ANK3: variants seen among roughly 807,000 people sequenced by gnomAD.
ANK3 encodes the protein ankyrin-3.
In ANK3, 57 loss-of-function variants were observed where a neutral mutation model predicts 370.9. The observed-to-expected ratio is 0.15, with a 90% CI of 0.12 to 0.19. The LOEUF (loss-of-function observed/expected upper bound fraction) is 0.19. ANK3 is among the 10% of genes least tolerant of loss of function. The pLI, the probability that ANK3 is intolerant of heterozygous loss-of-function variation, is 1.00. For missense variants in ANK3, 4,439 were observed against 5,302.1 expected, an observed-to-expected ratio of 0.84 and a Z score of 5.06; for synonymous variants, 1,929 against 1,946.3, an observed-to-expected ratio of 0.99 and a Z score of 0.23.
intron 30 of ANK3, among the ~76,000 whole-genome samples, chr10:60,086,248 T>C (rs113980235): frequency 5.3e-5 from 8 of 152,306 alleles, no homozygotes; most frequent in African/African-American, 1.7e-4. Context: ...AATTTCCTAT[T>C]ACTAGTGCTC....
intron 25 of ANK3, among the ~76,000 whole-genome samples, chr10:60,125,426 T>C (rs1015724175): frequency 2.0e-5 from 3 of 152,194 alleles, no homozygotes; most frequent in African/African-American, 7.2e-5. Flanking sequence ...ACAAAAAATC[T>C]GTAATCTTGC....
Position 60,270,257 on chromosome 10 carries a change from C to T in ANK3, c.415-28G>A, listed in dbSNP as rs1246598701. On this transcript the variant is annotated intron_variant, in intron 4 of 43. Transcript: ENST00000280772. ...GCAAAATAAGAAAAAAAATGTTTGTCTGCAGCTTTCCAGAGACAATCTATT... is the reference window on the plus strand; with the variant it reads ...GCAAAATAAGAAAAAAAATGTTTGTTTGCAGCTTTCCAGAGACAATCTATT... 6 of 1,504,410 alleles carry T rather than the reference C, an allele frequency of 4.0e-6. No individual in the cohort carries two copies. The Admixed American group carries it at 9.4e-5, about 24-fold the overall frequency. 93.2% of individuals were successfully genotyped at this position (1,504,410 alleles called of 1,614,324 possible).
At chr10:60,508,537 T>A (rs2075998073) in intron 2 of ANK3, 1 of 152,644 alleles carries the variant, frequency 6.6e-6, no homozygotes, top group Non-Finnish European at 1.5e-5. Flanking sequence ...ATTTTTGAAC[T>A]GCCTTGAGTT....
At chr10:60,086,521 A>G in intron 30 of ANK3, 156 bp downstream of exon 30, 1 of 593,566 alleles carries the variant, frequency 1.7e-6, no homozygotes, top group Non-Finnish European at 2.7e-6. Context: ...GGGAAACCAG[A>G]GATGAGGTGA....
At chr10:60,595,089 A>C (rs573338098) in intron 2 of ANK3, among the ~76,000 whole-genome samples, 1 of 152,306 alleles carries the variant, frequency 6.6e-6, no homozygotes, top group East Asian at 1.9e-4. Context: ...GTCAACTCAA[A>C]CAAGTCCCTG....
intron 1 of ANK3, among the ~76,000 whole-genome samples, chr10:60,617,308 G>T (rs1031548596): frequency 6.7e-6 from 1 of 148,336 alleles, no homozygotes; most frequent in African/African-American, 2.4e-5. Flanking sequence ...TTTACCCTTG[G>T]CTTTTTTTTT....
rs571615455 is a variant in ANK3 at position 60,138,632 on chromosome 10, T to C, written c.2738+332A>G. 8 of 445,178 alleles carry C rather than the reference T, an allele frequency of 1.8e-5. No individual in the cohort carries two copies. In the South Asian group the frequency reaches 4.5e-4, roughly 25 times the overall value. The allele number at this position is 445,178 out of a possible 1,614,324, so 27.6% of individuals were successfully genotyped here. A position where few individuals can be genotyped will look rare whatever the true frequency, so the allele number is the denominator to read the frequency against. On this transcript the variant is annotated intron_variant, in intron 24 of 43. Transcript: ENST00000280772. ...TAGCAAATAATACTTTCTTTCAATATGGAACAAAACTTAATTTTGAAATAT... is the reference window on the plus strand; with the variant it reads ...TAGCAAATAATACTTTCTTTCAATACGGAACAAAACTTAATTTTGAAATAT...
At chr10:60,246,255 C>CAAAAAAAAAAAAAAAAAA (rs869144298) in intron 7 of ANK3, among the ~76,000 whole-genome samples, 41 of 92,632 alleles carry the variant, frequency 4.4e-4, no homozygotes, top group African/African-American at 9.9e-4. Flanking sequence ...AACCCTGTAT[C>CAAAAAAAAAAAAAAAAAA]AAAAAAAAAA....
At chr10:60,591,982 T>C (rs930282350) in intron 2 of ANK3, among the ~76,000 whole-genome samples, 7 of 151,972 alleles carry the variant, frequency 4.6e-5, no homozygotes, top group African/African-American at 1.7e-4. Flanking sequence ...TACGAAAAAA[T>C]AGAAAGAATA....
At chr10:60,273,714 A>G (rs2098038240) in intron 4 of ANK3, among the ~76,000 whole-genome samples, 1 of 152,164 alleles carries the variant, frequency 6.6e-6, no homozygotes, top group Non-Finnish European at 1.5e-5. Context: ...GGGCGGGGCC[A>G]GGTGGAGATA....
intron 1 of ANK3, among the ~76,000 whole-genome samples, chr10:60,348,927 A>T (rs1038725145): frequency 1.9e-4 from 29 of 152,208 alleles, no homozygotes; most frequent in Admixed American, 1.2e-3. Flanking sequence ...CTATAACATC[A>T]AAAGACAGAA....
intron 8 of ANK3, among the ~76,000 whole-genome samples, chr10:60,225,647 C>T (rs1056804480): frequency 3.9e-5 from 6 of 152,232 alleles, no homozygotes; most frequent in Non-Finnish European, 5.9e-5. Context: ...CATTAATTAG[C>T]TTCCTTGTTC....
At chr10:60,320,605 A>T (rs1310953216) in intron 1 of ANK3, among the ~76,000 whole-genome samples, 1 of 152,038 alleles carries the variant, frequency 6.6e-6, no homozygotes. Context: ...TCTCAAAAAC[A>T]AACAAACAAA....
chr10:60,130,688 T>G (rs920447571), intron 25 of ANK3, among the ~76,000 whole-genome samples: 1 of 152,228 alleles, frequency 6.6e-6, no homozygotes, highest in East Asian at 1.9e-4. Context: ...CTGAAGTAAA[T>G]GCTTCCCATG....
intron 23 of ANK3, chr10:60,140,984 G>A: frequency 2.0e-6 from 2 of 985,506 alleles, no homozygotes; most frequent in Non-Finnish European, 2.4e-6. Context: ...GTGGCATGGA[G>A]CTCCAGGCAA....
At chr10:60,138,929 T>C in intron 24 of ANK3, 35 bp downstream of exon 24, 6 of 1,605,738 alleles carry the variant, frequency 3.7e-6, no homozygotes, top group Non-Finnish European at 5.1e-6. Flanking sequence ...ATGGTTGTTT[T>C]AAATTAACTA....
chr10:60,419,583 A>G (rs2063737321), intron 2 of ANK3, among the ~76,000 whole-genome samples: 1 of 152,188 alleles, frequency 6.6e-6, no homozygotes, highest in Non-Finnish European at 1.5e-5. Context: ...ATCATCAAAG[A>G]CAAGAATGTC....
At chr10:60,050,714 C>A (rs1262710114) in intron 42 of ANK3, 2 of 152,118 alleles carry the variant, frequency 1.3e-5, no homozygotes, top group South Asian at 2.1e-4. Context: ...TTCTGTGGAA[C>A]CTTACTACGC....
chr10:60,403,113 C>A (rs1393127034), intron 2 of ANK3, among the ~76,000 whole-genome samples: 1 of 151,904 alleles, frequency 6.6e-6, no homozygotes, highest in Non-Finnish European at 1.5e-5. Flanking sequence ...ATATATTTCT[C>A]AAAAAATACA....
Sources: allele counts gnomAD v4.1 joint callset (sites outside exome capture counted in the v4.1 genomes callset), GRCh38; gene constraint gnomAD v4.1.1; transcripts MANE v1.5; gene names NCBI Gene and HGNC (gene_info 2026-07-23, HGNC 2026-07-21).